The following ARHGAP24 variants were observed in gnomAD, a reference collection of about 807,000 sequenced individuals.
The protein encoded by ARHGAP24 is rho GTPase-activating protein 24.
Under a neutral mutation model 76.4 loss-of-function variants are expected in ARHGAP24, and 50 were observed. The observed-to-expected ratio is 0.65, with a 90% CI of 0.52 to 0.83. ARHGAP24 has a LOEUF of 0.83. Ranked by LOEUF, ARHGAP24 falls within the 40% of genes least tolerant of loss-of-function variation. The pLI, the probability that ARHGAP24 is intolerant of heterozygous loss-of-function variation, is 0.00. For missense variants in ARHGAP24, 930 were observed against 914.2 expected (o/e 1.02, Z -0.22); for synonymous variants, 345 against 323.3 (o/e 1.07, Z -0.72).
intron 2 of ARHGAP24, among the ~76,000 whole-genome samples, chr4:85,637,198 G>T (rs1294719672): frequency 6.6e-6 from 1 of 152,004 alleles, no homozygotes; most frequent in Non-Finnish European, 1.5e-5. Flanking sequence ...TCTGAAACTG[G>T]GATAGGTTGC....
intron 2 of ARHGAP24, among the ~76,000 whole-genome samples, chr4:85,661,928 T>C (rs1722404809): frequency 6.6e-6 from 1 of 152,174 alleles, no homozygotes; most frequent in African/African-American, 2.4e-5. Context: ...TATTGGACAT[T>C]TGGGTTGGTT....
chr4:85,894,760 A>G (rs1734046846), intron 3 of ARHGAP24, among the ~76,000 whole-genome samples: 1 of 152,016 alleles, frequency 6.6e-6, no homozygotes, highest in Non-Finnish European at 1.5e-5. Context: ...CAGGAGTTAG[A>G]GGCCAGCCTG....
intron 2 of ARHGAP24, among the ~76,000 whole-genome samples, chr4:85,635,170 A>G (rs902314644): frequency 6.6e-6 from 1 of 151,964 alleles, no homozygotes; most frequent in Admixed American, 6.6e-5. Context: ...CTCTTTCTGC[A>G]TTCTGGGCTC....
At chr4:85,612,066 G>A (rs186537790) in intron 2 of ARHGAP24, among the ~76,000 whole-genome samples, 1 of 136,946 alleles carries the variant, frequency 7.3e-6, no homozygotes, top group African/African-American at 2.8e-5. Flanking sequence ...GATAAATTGG[G>A]TTCTCTTTCA....
At chr4:85,710,468 G>T (rs1036204080) in intron 2 of ARHGAP24, among the ~76,000 whole-genome samples, 1 of 152,098 alleles carries the variant, frequency 6.6e-6, no homozygotes, top group African/African-American at 2.4e-5. Context: ...TGACAAATGG[G>T]ATCTAATTAA....
chr4:85,597,029 T>G (rs950825568), intron 2 of ARHGAP24, among the ~76,000 whole-genome samples: 2 of 152,062 alleles, frequency 1.3e-5, no homozygotes, highest in Admixed American at 1.3e-4. Flanking sequence ...ATTCATGCAG[T>G]GTACTCAGTC....
chr4:85,498,728 C>T (rs776632618), intron 1 of ARHGAP24, among the ~76,000 whole-genome samples: 3 of 152,158 alleles, frequency 2.0e-5, no homozygotes, highest in Non-Finnish European at 4.4e-5. Flanking sequence ...ACAGATTGCT[C>T]GAGTGAGCCT....
chr4:85,513,385 TC>T (rs1361490133), intron 1 of ARHGAP24, among the ~76,000 whole-genome samples: 1 of 152,162 alleles, frequency 6.6e-6, no homozygotes, highest in Non-Finnish European at 1.5e-5. Context: ...TGTTTCAGTG[TC>T]CTTTTTGGCC....
At chr4:85,960,304 G>A (rs894772051) in intron 5 of ARHGAP24, among the ~76,000 whole-genome samples, 1 of 152,102 alleles carries the variant, frequency 6.6e-6, no homozygotes, top group African/African-American at 2.4e-5. Flanking sequence ...TCCGTGTTAA[G>A]GAAATGGTTA....
chr4:85,711,480 ATAT>A (rs1463300707), intron 2 of ARHGAP24, among the ~76,000 whole-genome samples: 4 of 152,178 alleles, frequency 2.6e-5, no homozygotes, highest in African/African-American at 9.7e-5. Flanking sequence ...AATAGATAAA[ATAT>A]TATCTTAGTT....
At chr4:85,605,981 C>T (rs947338284) in intron 2 of ARHGAP24, among the ~76,000 whole-genome samples, 2 of 152,194 alleles carry the variant, frequency 1.3e-5, no homozygotes, top group African/African-American at 4.8e-5. Flanking sequence ...TTCTGATTCT[C>T]TTTGGAACCC....
At chr4:85,518,197 G>C (rs1724589351) in intron 1 of ARHGAP24, among the ~76,000 whole-genome samples, 1 of 152,050 alleles carries the variant, frequency 6.6e-6, no homozygotes, top group South Asian at 2.1e-4. Flanking sequence ...TGTTTTTGGA[G>C]GCATTTCCAG....
At chr4:85,483,350 A>G (rs989330875) in intron 1 of ARHGAP24, among the ~76,000 whole-genome samples, 46 of 152,314 alleles carry the variant, frequency 3.0e-4, no homozygotes, top group African/African-American at 9.4e-4. Flanking sequence ...TTTAGTAAAA[A>G]TAGGCCAGGC....
At chr4:85,557,008 G>T (rs1311652773) in intron 1 of ARHGAP24, among the ~76,000 whole-genome samples, 1 of 152,154 alleles carries the variant, frequency 6.6e-6, no homozygotes, top group African/African-American at 2.4e-5. Context: ...CTCTGCCGGG[G>T]GTCTGGGAGA....
In ARHGAP24 at chr4:86,001,626, C is replaced by T. The variant is rs529828895; in HGVS notation, c.*904C>T. 35 of 392,088 alleles carry T rather than the reference C, an allele frequency of 8.9e-5. No homozygotes were observed. In the South Asian group the frequency reaches 4.6e-3, roughly 51 times the overall value. The allele number at this position is 392,088 out of a possible 1,614,324, so 24.3% of individuals were successfully genotyped here. On this transcript the variant is annotated 3_prime_UTR_variant, in exon 10 of 10. Coordinates refer to ENST00000395184, the MANE Select transcript of ARHGAP24 (RefSeq NM_001025616.3). ...TACTGGGAAACAATGCTTGCTAAAC[C>T]ATGCCCACGTGAGCACCTGTCTCCC...
intron 8 of ARHGAP24, among the ~76,000 whole-genome samples, chr4:85,993,184 T>A (rs2148869489): frequency 6.6e-6 from 1 of 152,292 alleles, no homozygotes; most frequent in Admixed American, 6.5e-5. Context: ...GGGATTCTGA[T>A]TCAGAAGCTC....
intron 2 of ARHGAP24, among the ~76,000 whole-genome samples, chr4:85,668,567 C>T (rs896976123): frequency 6.6e-6 from 1 of 152,084 alleles, no homozygotes; most frequent in Non-Finnish European, 1.5e-5. Context: ...GAAGAAGAAA[C>T]CTTTACTCTG....
intron 1 of ARHGAP24, among the ~76,000 whole-genome samples, chr4:85,485,857 C>T (rs992249898): frequency 7.9e-5 from 12 of 151,758 alleles, no homozygotes; most frequent in Non-Finnish European, 1.6e-4. Flanking sequence ...CTCAGCCTCC[C>T]GAGTAGCTGG....
chr4:85,720,798 CAAA>C (rs1724902256), intron 2 of ARHGAP24, among the ~76,000 whole-genome samples: 1 of 151,068 alleles, frequency 6.6e-6, no homozygotes, highest in African/African-American at 2.5e-5. Context: ...CTAGAGAAAA[CAAA>C]GAAACAAAGG....
Sources: gnomAD v4.1 joint callset for allele counts (sites outside exome capture counted in the v4.1 genomes callset) on GRCh38, gnomAD v4.1.1 for gene constraint, MANE v1.5 for transcripts, NCBI Gene and HGNC (gene_info 2026-07-23, HGNC 2026-07-21) for gene names.